MYH11: variants seen among roughly 807,000 people sequenced by gnomAD.
MYH11 encodes myosin heavy chain 11.
In MYH11, 80 loss-of-function variants were observed where a neutral mutation model predicts 246.6. That is an observed-to-expected ratio of 0.32 (90% CI 0.27 to 0.39). MYH11 has a LOEUF of 0.39. MYH11 is among the 10% of genes least tolerant of loss of function. The pLI is 1.00. For missense variants in MYH11, 2,158 were observed against 2,546.8 expected (o/e 0.85, Z 3.29); for synonymous variants, 1,071 against 1,015.5 (o/e 1.05, Z -1.04).
intron 27 of MYH11, 182 bp downstream of exon 27, chr16:15,732,382 G>A (rs749423218): frequency 7.6e-6 from 7 of 916,116 alleles, no homozygotes; most frequent in South Asian, 1.6e-5. Flanking sequence ...TTACAGGCGT[G>A]AGCCACCTCA....
intron 38 of MYH11, among the ~76,000 whole-genome samples, 189 bp downstream of exon 38, chr16:15,716,951 G>A (rs944177345): frequency 1.4e-4 from 22 of 152,332 alleles, no homozygotes; most frequent in Admixed American, 2.6e-4. Context: ...GCTTGCCCTA[G>A]GCCAGGAACC....
intron 1 of MYH11, among the ~76,000 whole-genome samples, chr16:15,852,995 G>C (rs1016815149): frequency 6.6e-6 from 1 of 152,142 alleles, no homozygotes; most frequent in African/African-American, 2.4e-5. Flanking sequence ...CATCCCTTGA[G>C]CACAAACAAG....
chr16:15,729,030 G>C lies in MYH11; in HGVS notation c.3652-1976C>G, dbSNP rs75703914. ...ACCACTCAGTCTTCCCATAGTCCCT[G>C]GGAGGTGCTGGACGTTGACCGGTCA... On this transcript the variant is annotated intron_variant, in intron 27 of 40. Coordinates refer to ENST00000300036, the MANE Select transcript of MYH11 (RefSeq NM_002474.3). 7.9e-3 allele frequency among the ~76,000 whole-genome samples: 1,196 copies of C among 152,208 alleles called. 9 individuals carry two copies. Among genetic ancestry groups the C allele is most frequent in the Non-Finnish European group, 0.014 (950 of 68,006 alleles).
chr16:15,827,257 A>G (rs1240818666), intron 2 of MYH11, among the ~76,000 whole-genome samples: 1 of 152,114 alleles, frequency 6.6e-6, no homozygotes, highest in Non-Finnish European at 1.5e-5. Flanking sequence ...GAATGATAGG[A>G]ACAAGGAAGG....
chr16:15,826,696 T>G (rs2043576129), intron 2 of MYH11, among the ~76,000 whole-genome samples: 2 of 151,874 alleles, frequency 1.3e-5, no homozygotes, highest in Non-Finnish European at 2.9e-5. Flanking sequence ...GAATATTCTT[T>G]GAAGGTACAG....
chr16:15,755,079 A>G (rs778470893), intron 14 of MYH11, among the ~76,000 whole-genome samples: 3 of 152,204 alleles, frequency 2.0e-5, no homozygotes, highest in South Asian at 2.1e-4. Context: ...CTGTGTTCCA[A>G]TAAAACTTTA....
intron 3 of MYH11, among the ~76,000 whole-genome samples, chr16:15,805,517 A>G (rs1421699065): frequency 1.3e-5 from 2 of 152,246 alleles, no homozygotes; most frequent in African/African-American, 2.4e-5. Context: ...CTTTATTCAT[A>G]ATATCCAAAA....
intron 38 of MYH11, 70 bp from the exon 39 acceptor site, chr16:15,715,342 G>C: frequency 1.4e-6 from 2 of 1,467,482 alleles, no homozygotes; most frequent in Non-Finnish European, 1.9e-6. Context: ...GTGTCACCTG[G>C]AGGTGGCATC....
intron 3 of MYH11, among the ~76,000 whole-genome samples, chr16:15,798,945 C>A (rs1198105185): frequency 6.6e-6 from 1 of 152,166 alleles, no homozygotes; most frequent in African/African-American, 2.4e-5. Flanking sequence ...TAGCATCCAG[C>A]CACATCAGCT....
In MYH11 at chr16:15,849,848, G is replaced by A. The variant is rs142040505; in HGVS notation, c.-18+7093C>T. 5.5e-4 allele frequency among the ~76,000 whole-genome samples: 84 copies of A among 152,232 alleles called. 1 individual carries two copies. Among genetic ancestry groups the A allele is most frequent in the Middle Eastern group, 3.4e-3 (1 of 294 alleles). On this transcript the variant is annotated intron_variant, in intron 1 of 40. Coordinates refer to ENST00000300036, the MANE Select transcript of MYH11 (RefSeq NM_002474.3). ...CTCAGCTTTGCCCCAAACCTGCTGG[G>A]TGACTCTGGACAAGTCACTTGCCCT...
At chr16:15,818,718 T>G (rs908554302) in intron 3 of MYH11, among the ~76,000 whole-genome samples, 1 of 151,584 alleles carries the variant, frequency 6.6e-6, no homozygotes, top group East Asian at 2.0e-4. Flanking sequence ...TTACAGGCGT[T>G]AGCCACCGTG....
intron 26 of MYH11, among the ~76,000 whole-genome samples, chr16:15,733,382 C>T (rs1266866544): frequency 6.6e-6 from 1 of 152,032 alleles, no homozygotes. Context: ...TACAGGTGCC[C>T]ACCACCACGC....
intron 13 of MYH11, 139 bp downstream of exon 13, chr16:15,757,688 C>T (rs2041764331): frequency 9.4e-7 from 1 of 1,068,752 alleles, no homozygotes; most frequent in African/African-American, 1.6e-5. Context: ...ATTCAGCTTA[C>T]AGCCTTTCAG....
chr16:15,846,681 C>T (rs2044198585), intron 1 of MYH11, among the ~76,000 whole-genome samples: 1 of 152,052 alleles, frequency 6.6e-6, no homozygotes. Flanking sequence ...AGACCCATCT[C>T]TAAGAAAAAA....
chr16:15,807,635 G>A (rs1178326925), intron 3 of MYH11, among the ~76,000 whole-genome samples: 1 of 152,120 alleles, frequency 6.6e-6, no homozygotes, highest in Non-Finnish European at 1.5e-5. Context: ...CTGGAGCTGG[G>A]GGCGGCCGGC....
At chr16:15,822,706 C>A (rs535885515) in intron 3 of MYH11, among the ~76,000 whole-genome samples, 2 of 152,210 alleles carry the variant, frequency 1.3e-5, no homozygotes, top group African/African-American at 4.8e-5. Flanking sequence ...GAAAGTGAGA[C>A]CCTGTCTCAA....
At chr16:15,782,351 T>C (rs752859549) in intron 6 of MYH11, 34 bp downstream of exon 6, 3 of 1,597,366 alleles carry the variant, frequency 1.9e-6, no homozygotes, top group Non-Finnish European at 1.7e-6. Flanking sequence ...ACACCAAAGC[T>C]TTTCTGGAAA....
rs756161600 is a variant in MYH11 at position 15,756,415 on chromosome 16, T to A, written c.1675A>T (p.Ser559Cys). The A allele has an allele frequency of 2.5e-6, 4 of 1,614,202 alleles. No individual in the cohort carries two copies. The highest frequency in any genetic ancestry group is 3.4e-6 in the Non-Finnish European group (4 of 1,180,044). The change falls in exon 14 of 41, where the codon AGC becomes TGC. Residue 559 changes from serine (S) to cysteine (C), a missense_variant. Ser to Cys is a moderately radical substitution (Grantham distance 112). Coordinates refer to ENST00000300036, the MANE Select transcript of MYH11 (RefSeq NM_002474.3). ...FVEKLCTEQG[S>C]HPKFQKPKQL... ...TTGGGCTTCTGGAACTTGGGGTGGC[T>A]GCCCTGCTCCGTGCACAGCTTCTCC...
intron 4 of MYH11, among the ~76,000 whole-genome samples, chr16:15,794,474 T>C (rs977949079): frequency 1.7e-4 from 26 of 152,378 alleles, no homozygotes; most frequent in African/African-American, 6.0e-4. Context: ...GTTTTGGGAT[T>C]TCCTTCCTAA....
Sources: allele counts gnomAD v4.1 joint callset (sites outside exome capture counted in the v4.1 genomes callset), GRCh38; gene constraint gnomAD v4.1.1; transcripts MANE v1.5; gene names NCBI Gene and HGNC (gene_info 2026-07-23, HGNC 2026-07-21).